Variants in MAGI1 observed in about 807,000 individuals in gnomAD.
MAGI1 encodes the protein membrane associated guanylate kinase, WW and PDZ domain containing 1.
In MAGI1, 58 loss-of-function variants were observed where a neutral mutation model predicts 139.9. The observed-to-expected ratio is 0.41, with a 90% confidence interval of 0.34 to 0.52. MAGI1 has a LOEUF of 0.52. MAGI1 is among the 20% of genes least tolerant of loss of function. The pLI, the probability that MAGI1 is intolerant of heterozygous loss-of-function variation, is 0.12. For missense variants in MAGI1, 1,874 were observed against 1,901.6 expected (o/e 0.99, Z 0.27); for synonymous variants, 812 against 737.9 (o/e 1.10, Z -1.63).
chr3:65,889,929 T>C lies in MAGI1; in HGVS notation c.313+148067A>G, dbSNP rs375529980. On this transcript the variant is annotated intron_variant, in intron 1 of 22. Coordinates refer to ENST00000402939, the MANE Select transcript of MAGI1 (RefSeq NM_001033057.2). ...CTGCCACATGTATGAAGATGGTCAC[T>C]GCAGTGTTCCTTATAAAAGCCAAAG... Among the ~76,000 whole-genome samples the C allele has an allele frequency of 1.8e-4, 28 of 152,344 alleles. 1 individual carries two copies. Among genetic ancestry groups the C allele is most frequent in the African/African-American group, 6.5e-4 (27 of 41,590 alleles).
chr3:66,020,855 C>T (rs1370217806), intron 1 of MAGI1, among the ~76,000 whole-genome samples: 1 of 152,124 alleles, frequency 6.6e-6, no homozygotes, highest in East Asian at 1.9e-4. Flanking sequence ...GAGCAGTCAA[C>T]AGGAGAAAAC....
Position 65,657,364 on chromosome 3 carries a change from G to A in MAGI1, c.314-35276C>T, listed in dbSNP as rs1222722020. On this transcript the variant is annotated intron_variant, in intron 1 of 22. Coordinates refer to ENST00000402939, the MANE Select transcript of MAGI1 (RefSeq NM_001033057.2). The stretch of plus-strand genomic sequence containing the variant: ...AGTCCAAGCACATTGGGAGGCTGAG[G>A]TGGGAGGATCACTTGAGCCCAGGAG... 2.0e-5 allele frequency among the ~76,000 whole-genome samples: 3 copies of A among 151,572 alleles called. No homozygotes were observed. In the East Asian group the frequency reaches 5.9e-4, roughly 30 times the overall value.
intron 1 of MAGI1, among the ~76,000 whole-genome samples, chr3:65,683,160 TA>T (rs1179117095): frequency 2.0e-5 from 3 of 152,190 alleles, no homozygotes; most frequent in Non-Finnish European, 4.4e-5. Context: ...CACAGACCAG[TA>T]CCACTGTGTG....
chr3:65,501,240 G>A (rs2077067216), intron 2 of MAGI1, among the ~76,000 whole-genome samples: 1 of 151,950 alleles, frequency 6.6e-6, no homozygotes, highest in Non-Finnish European at 1.5e-5. Flanking sequence ...CAGCACTTTG[G>A]GAGGCCGAAG....
chr3:65,437,624 G>A (rs1222245992), intron 9 of MAGI1, among the ~76,000 whole-genome samples: 1 of 152,086 alleles, frequency 6.6e-6, no homozygotes, highest in Non-Finnish European at 1.5e-5. Context: ...GTCTTAGGTA[G>A]GGAGGAAGAT....
At chr3:65,467,774 T>C (rs1406780030) in intron 5 of MAGI1, among the ~76,000 whole-genome samples, 2 of 152,218 alleles carry the variant, frequency 1.3e-5, no homozygotes, top group East Asian at 3.9e-4. Context: ...GATTATTCTG[T>C]ACCAGGAACA....
chr3:65,507,292 T>A (rs1438030083), intron 2 of MAGI1, among the ~76,000 whole-genome samples: 1 of 152,226 alleles, frequency 6.6e-6, no homozygotes, highest in East Asian at 1.9e-4. Context: ...CATGCTTTTT[T>A]CCCTCATATT....
chr3:65,862,351 C>G (rs1419586320), intron 1 of MAGI1, among the ~76,000 whole-genome samples: 1 of 152,156 alleles, frequency 6.6e-6, no homozygotes, highest in African/African-American at 2.4e-5. Flanking sequence ...AGAGTTCATA[C>G]TCAATAAATG....
chr3:65,412,748 T>C (rs1945890225), intron 12 of MAGI1, among the ~76,000 whole-genome samples: 1 of 152,162 alleles, frequency 6.6e-6, no homozygotes, highest in African/African-American at 2.4e-5. Context: ...GGTCTGTTCC[T>C]TGATTTATTG....
At chr3:65,693,814 C>T (rs1423528097) in intron 1 of MAGI1, among the ~76,000 whole-genome samples, 1 of 152,034 alleles carries the variant, frequency 6.6e-6, no homozygotes, top group Non-Finnish European at 1.5e-5. Flanking sequence ...ACTTCTACAT[C>T]CCGGATTCAA....
At chr3:65,731,340 T>C (rs748258868) in intron 1 of MAGI1, among the ~76,000 whole-genome samples, 8 of 152,046 alleles carry the variant, frequency 5.3e-5, no homozygotes, top group Non-Finnish European at 7.4e-5. Flanking sequence ...TCGGGTTAAA[T>C]AGAATTCTAA....
chr3:65,373,838 C>T (rs1942235518), intron 18 of MAGI1, among the ~76,000 whole-genome samples: 1 of 152,142 alleles, frequency 6.6e-6, no homozygotes, highest in Non-Finnish European at 1.5e-5. Flanking sequence ...ATTCAAGAGG[C>T]CAGTGTTTTC....
intron 1 of MAGI1, among the ~76,000 whole-genome samples, chr3:65,916,376 A>C (rs910725164): frequency 6.6e-6 from 1 of 152,272 alleles, no homozygotes; most frequent in East Asian, 1.9e-4. Context: ...CCAAGACTGG[A>C]TAATTTATAA....
At chr3:65,468,403 G>C (rs1272164396) in intron 5 of MAGI1, among the ~76,000 whole-genome samples, 1 of 103,814 alleles carries the variant, frequency 9.6e-6, no homozygotes, top group African/African-American at 3.7e-5. Flanking sequence ...TTTTGAGACA[G>C]AGTCTTGCTC....
In MAGI1 at chr3:65,989,621, T is replaced by A. The variant is rs558327178; in HGVS notation, c.313+48375A>T. 3.8e-4 allele frequency among the ~76,000 whole-genome samples: 58 copies of A among 151,348 alleles called. No individual in the cohort carries two copies. The East Asian group carries it at 0.011, about 29-fold the overall frequency. On this transcript the variant is annotated intron_variant, in intron 1 of 22. Transcript: ENST00000402939. ...GGCATGATCTCGGCTCACTGCAAAC[T>A]CCACCTCCTGGGTTCAAGTGATCCT...
Position 65,668,562 on chromosome 3 carries a change from CTTTTTTTTTT to C in MAGI1, c.314-46484_314-46475del, listed in dbSNP as rs58434479. Among the ~76,000 whole-genome samples the C allele has an allele frequency of 1.1e-4, 9 of 79,892 alleles. No individual in the cohort carries two copies. The East Asian group carries it at 1.2e-3, about 11-fold the overall frequency. 52.4% of individuals were successfully genotyped at this position (79,892 alleles called of 152,430 possible). On this transcript the variant is annotated intron_variant, in intron 1 of 22. Transcript: ENST00000402939. Reference sequence around the variant, plus strand: ...AACCAGCCATTTAGTCCTTTTTTTTCTTTTTTTTTTTTTTTTTTTTTTGACACGGAGTCTC... The same window carrying C: ...AACCAGCCATTTAGTCCTTTTTTTTCTTTTTTTTTTTTGACACGGAGTCTC...
chr3:65,646,438 C>T (rs549105964), intron 1 of MAGI1, among the ~76,000 whole-genome samples: 2 of 151,992 alleles, frequency 1.3e-5, no homozygotes, highest in African/African-American at 4.8e-5. Context: ...AGGAACAAAT[C>T]AACAATCGTT....
intron 1 of MAGI1, among the ~76,000 whole-genome samples, chr3:65,790,955 A>G (rs2039722947): frequency 6.6e-6 from 1 of 152,110 alleles, no homozygotes; most frequent in African/African-American, 2.4e-5. Context: ...TGCGCCTGTA[A>G]TCCCAGCTAC....
chr3:66,004,397 C>A (rs2066907614), intron 1 of MAGI1, among the ~76,000 whole-genome samples: 1 of 152,172 alleles, frequency 6.6e-6, no homozygotes, highest in Non-Finnish European at 1.5e-5. Context: ...TACACGTGGC[C>A]TCTCTGCGTG....
Sources: allele counts gnomAD v4.1 joint callset (sites outside exome capture counted in the v4.1 genomes callset), GRCh38; gene constraint gnomAD v4.1.1; transcripts MANE v1.5; gene names NCBI Gene and HGNC (gene_info 2026-07-23, HGNC 2026-07-21).